AGBL1: variants seen among roughly 807,000 people sequenced by gnomAD.
AGBL1 encodes AGBL carboxypeptidase 1.
A neutral mutation model predicts 118.9 loss-of-function variants in AGBL1; 130 were observed. The ratio of observed to expected loss-of-function variants is 1.09; its 90% CI spans 0.95 to 1.26. The LOEUF is 1.26. AGBL1 is among the 50% of genes most tolerant of loss of function. AGBL1 has a pLI of 0.00. For missense variants in AGBL1, 1,584 were observed against 1,298.1 expected (o/e 1.22, Z -3.38); for synonymous variants, 555 against 478.9 (o/e 1.16, Z -2.08).
At chr15:87,023,683 T>C (rs548838934) in intron 24 of AGBL1, among the ~76,000 whole-genome samples, 28 of 152,150 alleles carry the variant, frequency 1.8e-4, no homozygotes, top group African/African-American at 5.5e-4. Context: ...AGAATATACA[T>C]TGTATTAAAC....
intron 16 of AGBL1, among the ~76,000 whole-genome samples, chr15:86,282,245 A>AC (rs1395318478): frequency 2.0e-5 from 3 of 151,784 alleles, no homozygotes; most frequent in Non-Finnish European, 4.4e-5. Flanking sequence ...AAAAAAGAGG[A>AC]CCCCCCTCTC....
At chr15:86,383,090 G>T (rs1270148849) in intron 17 of AGBL1, among the ~76,000 whole-genome samples, 1 of 151,688 alleles carries the variant, frequency 6.6e-6, no homozygotes, top group Non-Finnish European at 1.5e-5. Context: ...GGTCCTTATG[G>T]CTCAGGACTG....
chr15:86,434,605 C>A (rs564278625), intron 18 of AGBL1, among the ~76,000 whole-genome samples: 2 of 152,176 alleles, frequency 1.3e-5, no homozygotes, highest in African/African-American at 4.8e-5. Context: ...AACATTTAAG[C>A]GCTAAGAATA....
At chr15:86,617,224 C>T (rs553379049) in intron 21 of AGBL1, among the ~76,000 whole-genome samples, 7 of 152,234 alleles carry the variant, frequency 4.6e-5, no homozygotes, top group East Asian at 1.9e-4. Context: ...TAGTGTCATT[C>T]GACAGAATTG....
intron 23 of AGBL1, among the ~76,000 whole-genome samples, chr15:86,941,246 G>T (rs1312040972): frequency 6.6e-6 from 1 of 152,164 alleles, no homozygotes; most frequent in African/African-American, 2.4e-5. Context: ...CTCCACATTT[G>T]AAATGTATTC....
chr15:86,424,604 C>T (rs1317310108), intron 18 of AGBL1, among the ~76,000 whole-genome samples: 1 of 152,162 alleles, frequency 6.6e-6, no homozygotes, highest in Non-Finnish European at 1.5e-5. Context: ...AACAGGCAAC[C>T]TACAGAATGG....
chr15:86,920,962 T>C (rs1358755777), downstream of AGBL1, among the ~76,000 whole-genome samples: 15 of 152,118 alleles, frequency 9.9e-5, no homozygotes, highest in Admixed American at 9.8e-4. Flanking sequence ...GTTTTGCAAT[T>C]GGAGAAAGGA....
At chr15:86,998,382 A>T (rs1485367931) in intron 24 of AGBL1, among the ~76,000 whole-genome samples, 1 of 152,142 alleles carries the variant, frequency 6.6e-6, no homozygotes, top group Non-Finnish European at 1.5e-5. Context: ...GCCATCTAGA[A>T]ATTGAGGACT....
chr15:87,020,501 G>C (rs1234408563), intron 24 of AGBL1, among the ~76,000 whole-genome samples: 1 of 152,004 alleles, frequency 6.6e-6, no homozygotes, highest in Non-Finnish European at 1.5e-5. Flanking sequence ...GTTCTGGCCA[G>C]GGCAATCAGG....
chr15:86,363,717 T>A (rs545597783), intron 17 of AGBL1, among the ~76,000 whole-genome samples: 1 of 152,208 alleles, frequency 6.6e-6, no homozygotes, highest in Non-Finnish European at 1.5e-5. Flanking sequence ...AATTTAGGCC[T>A]GACTTGTCTC....
chr15:86,110,862 A>G (rs2141538766), intron 1 of AGBL1, among the ~76,000 whole-genome samples: 1 of 152,296 alleles, frequency 6.6e-6, no homozygotes, highest in Middle Eastern at 3.4e-3. Context: ...TGCATTAAAT[A>G]CCATCCCTCC....
At chr15:86,168,648 C>T (rs1259504509) in intron 5 of AGBL1, among the ~76,000 whole-genome samples, 1 of 152,038 alleles carries the variant, frequency 6.6e-6, no homozygotes, top group East Asian at 1.9e-4. Context: ...AGGTTAGGAA[C>T]GATGTTTGTT....
At chr15:86,190,384 A>G (rs2077700011) in intron 5 of AGBL1, among the ~76,000 whole-genome samples, 1 of 152,142 alleles carries the variant, frequency 6.6e-6, no homozygotes, top group Non-Finnish European at 1.5e-5. Context: ...ATTAGCATTT[A>G]TATAATAGAA....
At position 86,758,106 on chromosome 15, in the gene AGBL1, A is replaced by C. The variant is rs189316927; in HGVS notation, c.3158+83670A>C. On this transcript the variant is annotated intron_variant, in intron 22 of 22. Coordinates refer to ENST00000614907, the MANE Select transcript of AGBL1 (RefSeq NM_001386094.1). ...ATCCCCATGGCTTCCCAATTCTCCT[A>C]TGGTAAAATCTGGAAACTATACTAT... is the stretch of plus-strand genomic sequence containing the variant. Among the ~76,000 whole-genome samples, 11 of 152,150 alleles carry C rather than the reference A, an allele frequency of 7.2e-5. No individual in the cohort carries two copies. In the East Asian group the frequency reaches 1.9e-3, roughly 27 times the overall value.
intron 17 of AGBL1, among the ~76,000 whole-genome samples, chr15:86,360,476 C>A (rs2141919888): frequency 6.6e-6 from 1 of 151,928 alleles, no homozygotes; most frequent in East Asian, 1.9e-4. Flanking sequence ...ATTTAAAAAT[C>A]TATGTTCATC....
chr15:86,534,124 A>AAG (rs2083389117), intron 19 of AGBL1, among the ~76,000 whole-genome samples: 1 of 150,660 alleles, frequency 6.6e-6, no homozygotes, highest in African/African-American at 2.4e-5. Flanking sequence ...AAAAAAAAAA[A>AAG]AAAAAAAAAA....
rs1381991630 is a variant in AGBL1 at position 86,397,347 on chromosome 15, T to C, written c.2375-19T>C. On this transcript the variant is annotated intron_variant, in intron 17 of 22. Coordinates refer to ENST00000614907, the MANE Select transcript of AGBL1 (RefSeq NM_001386094.1). ...TATTAAAATTTGGGTTTAATTTTCT[T>C]ATGTCCCTTTTTCTGCAGGACATCG... The C allele has an allele frequency of 6.9e-7, 1 of 1,458,446 alleles. No homozygotes were observed. Among genetic ancestry groups the C allele is most frequent in the Admixed American group, 2.2e-5 (1 of 45,612 alleles). The allele number at this position is 1,458,446 out of a possible 1,614,324, so 90.3% of individuals were successfully genotyped here. A position where few individuals can be genotyped will look rare whatever the true frequency, so the allele number is the denominator to read the frequency against.
intron 5 of AGBL1, among the ~76,000 whole-genome samples, chr15:86,222,394 C>T (rs1171052911): frequency 6.6e-6 from 1 of 152,120 alleles, no homozygotes; most frequent in Admixed American, 6.6e-5. Flanking sequence ...CCCTATCTAC[C>T]TAGCCTAACT....
intron 1 of AGBL1, among the ~76,000 whole-genome samples, chr15:86,101,597 A>C (rs902857890): frequency 1.3e-5 from 2 of 150,034 alleles, no homozygotes; most frequent in African/African-American, 4.9e-5. Flanking sequence ...CTCTTGTTCA[A>C]CTAATTCCTT....
Sources: allele counts gnomAD v4.1 joint callset (sites outside exome capture counted in the v4.1 genomes callset), GRCh38; gene constraint gnomAD v4.1.1; transcripts MANE v1.5; gene names NCBI Gene and HGNC (gene_info 2026-07-23, HGNC 2026-07-21).